The following BRCA2 variants were observed in gnomAD, a reference collection of about 807,000 sequenced individuals.
The protein encoded by BRCA2 is breast cancer type 2 susceptibility protein.
A neutral mutation model predicts 276.7 loss-of-function variants in BRCA2; 203 were observed. The ratio of observed to expected loss-of-function variants is 0.73; its 90% confidence interval spans 0.65 to 0.82. The LOEUF (loss-of-function observed/expected upper bound fraction) is 0.82. Among genes scored for constraint, BRCA2 ranks in the 40% least tolerant of loss-of-function variants. The pLI is 0.00. For missense variants in BRCA2, 3,920 were observed against 3,915.0 expected (o/e 1.00, Z -0.03); for synonymous variants, 1,289 against 1,338.4 (o/e 0.96, Z 0.81).
intron 18 of BRCA2, among the ~76,000 whole-genome samples, chr13:32,367,189 T>A (rs1593927972): frequency 6.6e-6 from 1 of 151,866 alleles, no homozygotes; most frequent in Non-Finnish European, 1.5e-5. Flanking sequence ...AATCCCAAGA[T>A]TTTGGGAGGC....
At chr13:32,389,419 CT>C (rs1376425358) in intron 24 of BRCA2, among the ~76,000 whole-genome samples, 2 of 152,102 alleles carry the variant, frequency 1.3e-5, no homozygotes, top group Non-Finnish European at 2.9e-5. Context: ...GAGAGTCTTC[CT>C]TTAATCTTCT....
chr13:32,322,464 AAAG>A (rs2072312436), intron 3 of BRCA2, among the ~76,000 whole-genome samples: 1 of 152,182 alleles, frequency 6.6e-6, no homozygotes, highest in Non-Finnish European at 1.5e-5. Flanking sequence ...TAGGGGAAAT[AAAG>A]GGCTGGGCCG....
At position 32,352,746 on chromosome 13, in the gene BRCA2, CAAAAT is replaced by C. The variant is rs146458775; in HGVS notation, c.7008-2112_7008-2108del. ...CTTTGGAAGTTTCTAACAAGAGGAA[CAAAAT>C]AAGATTGGTGTTTTAGAAGTATACC... On this transcript the variant is annotated intron_variant, in intron 13 of 26. Transcript: ENST00000380152. Among the ~76,000 whole-genome samples the C allele has an allele frequency of 1.2e-3, 186 of 152,126 alleles. 1 individual carries two copies. The highest frequency in any genetic ancestry group is 6.0e-3 in the East Asian group (31 of 5,170).
chr13:32,356,738 C>G (rs939713757), intron 15 of BRCA2, 129 bp downstream of exon 15: 6 of 1,189,862 alleles, frequency 5.0e-6, no homozygotes, highest in African/African-American at 3.0e-5. Flanking sequence ...ATGAAATCAT[C>G]ATATTTTCTA....
Position 32,346,827 on chromosome 13 carries a change from GCA to G in BRCA2, c.6941_6942del (p.Thr2314AsnfsTer25). On this transcript the variant is annotated frameshift_variant and splice_region_variant, in exon 13 of 27. Transcript: ENST00000380152. LOFTEE classifies it high-confidence loss of function. The stretch of plus-strand genomic sequence containing the variant: ...GTAATATAAAATAATTGTTTCCTAG[GCA>G]CAATAAAAGATCGAAGATTGTTTAT... 1 of 1,603,310 alleles carries G rather than the reference GCA, an allele frequency of 6.2e-7. No homozygotes were observed. Among genetic ancestry groups the G allele is most frequent in the South Asian group, 1.1e-5 (1 of 90,006 alleles).
chr13:32,324,738 CG>C (rs917556644), intron 3 of BRCA2, among the ~76,000 whole-genome samples: 1 of 152,066 alleles, frequency 6.6e-6, no homozygotes, highest in African/African-American at 2.4e-5. Context: ...GTGATCCTCC[CG>C]CCTCAGCCTC....
At chr13:32,359,223 A>G (rs1410310387) in intron 16 of BRCA2, among the ~76,000 whole-genome samples, 4 of 1,828 alleles carry the variant, frequency 2.2e-3, no homozygotes, top group Admixed American at 0.01. Context: ...CCATCTCAAG[A>G]AAAAAAAAAA....
In BRCA2 at chr13:32,339,976, T is replaced by G. The variant is rs2137519221; in HGVS notation, c.5621T>G (p.Ile1874Ser). 6.2e-7 allele frequency: 1 copy of G among 1,611,138 alleles called. No homozygotes were observed. The highest frequency in any genetic ancestry group is 8.5e-7 in the Non-Finnish European group (1 of 1,179,084). ...DIFTDSFSKV[I>S]KENNENKSKI... ...TTTACAGACAGTTTCAGTAAAGTAATTAAGGAAAACAACGAGAATAAATCA... is the reference window on the plus strand; with the variant it reads ...TTTACAGACAGTTTCAGTAAAGTAAGTAAGGAAAACAACGAGAATAAATCA... Residue 1874 changes from isoleucine to serine, a missense_variant, in exon 11 of 27, where the codon ATT becomes AGT. Physicochemically the swap from Ile to Ser is moderately radical, Grantham distance 142. Around this residue, in one of 2 missense-constraint regions of BRCA2, gnomAD observed 3,263 missense variants for 3,156.9 expected, o/e 1.03. Coordinates refer to ENST00000380152, the MANE Select transcript of BRCA2 (RefSeq NM_000059.4).
At chr13:32,329,293 T>C in intron 7 of BRCA2, 150 bp from the exon 8 acceptor site, 1 of 603,100 alleles carries the variant, frequency 1.7e-6, no homozygotes, top group Non-Finnish European at 3.0e-6. Context: ...TTGACCTTTC[T>C]AATTACTATA....
chr13:32,364,597 T>C (rs1249427249), intron 18 of BRCA2, among the ~76,000 whole-genome samples: 1 of 149,304 alleles, frequency 6.7e-6, no homozygotes, highest in East Asian at 2.0e-4. Context: ...AAATATTTTT[T>C]GCAATTTAAT....
In BRCA2 at chr13:32,337,881, G is replaced by A. The variant is rs80358602; in HGVS notation, c.3526G>A (p.Val1176Ile). The A allele has an allele frequency of 2.5e-6, 4 of 1,613,964 alleles. No individual in the cohort carries two copies. The highest frequency in any genetic ancestry group is 3.4e-6 in the Non-Finnish European group (4 of 1,179,982). ...VIMNAPSIGQ[V>I]DSSKQFEGTV... is the part of the protein sequence containing the mutation. ...AATGAATGCCCCATCGATTGGTCAG[G>A]TAGACAGCAGCAAGCAATTTGAAGG... The change falls in exon 11 of 27, where the codon GTA becomes ATA. Residue 1176 changes from valine to isoleucine, a missense_variant. Val to Ile is a conservative substitution (Grantham distance 29). Around this residue, in one of 2 missense-constraint regions of BRCA2, gnomAD observed 3,263 missense variants for 3,156.9 expected, o/e 1.03. Coordinates refer to ENST00000380152, the MANE Select transcript of BRCA2 (RefSeq NM_000059.4).
At chr13:32,332,194 T>G in intron 9 of BRCA2, 78 bp from the exon 10 acceptor site, 1 of 1,346,704 alleles carries the variant, frequency 7.4e-7, no homozygotes, top group Non-Finnish European at 1.0e-6. Context: ...AAACTGTTTC[T>G]ATGAGAAAGG....
In BRCA2 at chr13:32,346,514, C is replaced by T. The variant is rs185087806; in HGVS notation, c.6938-313C>T. Among the ~76,000 whole-genome samples the T allele has an allele frequency of 5.3e-4, 81 of 152,080 alleles. 2 individuals carry two copies. The East Asian group carries it at 0.015, about 28-fold the overall frequency. ...AATATCTAAAGCTTAGCTTTTAAAC[C>T]TTCATAAGACTAAATTTTAAATTTG... On this transcript the variant is annotated intron_variant, in intron 12 of 26. Coordinates refer to ENST00000380152, the MANE Select transcript of BRCA2 (RefSeq NM_000059.4).
chr13:32,369,684 C>CT (rs1462471094), intron 18 of BRCA2, among the ~76,000 whole-genome samples: 1 of 152,174 alleles, frequency 6.6e-6, no homozygotes, highest in Non-Finnish European at 1.5e-5. Context: ...AGCAGTTCTC[C>CT]TGCCTCAGCC....
chr13:32,350,731 C>T (rs183056583), intron 13 of BRCA2, among the ~76,000 whole-genome samples: 5 of 150,572 alleles, frequency 3.3e-5, no homozygotes, highest in African/African-American at 1.2e-4. Flanking sequence ...CCAGCCTGGG[C>T]GAGAGAGCGA....
At position 32,363,309 on chromosome 13, in the gene BRCA2, A is replaced by G. The variant is rs2137580800; in HGVS notation, c.8107A>G (p.Thr2703Ala). 1 of 1,614,182 alleles carries G rather than the reference A, an allele frequency of 6.2e-7. No homozygotes were observed. Among genetic ancestry groups the G allele is most frequent in the Non-Finnish European group, 8.5e-7 (1 of 1,180,018 alleles). ...TTCATTGAGCGCAAATATATCTGAA[A>G]CTTCTAGCAATAAAACTAGTAGTGC... is the stretch of plus-strand genomic sequence containing the variant. ...IISLSANISE[T>A]SSNKTSSADT... Residue 2703 changes from threonine to alanine, a missense_variant, in exon 18 of 27, where the codon ACT becomes GCT. Thr to Ala is a moderately conservative substitution (Grantham distance 58). Coordinates refer to ENST00000380152, the MANE Select transcript of BRCA2 (RefSeq NM_000059.4).
At position 32,329,597 on chromosome 13, in the gene BRCA2, T is replaced by G. The variant is rs755479802; in HGVS notation, c.681+105T>G. 4.4e-5 allele frequency: 42 copies of G among 945,752 alleles called. No individual in the cohort carries two copies. In the Middle Eastern group the frequency reaches 1.1e-3, roughly 26 times the overall value. 58.6% of individuals were successfully genotyped at this position (945,752 alleles called of 1,614,324 possible). A position where few individuals can be genotyped will look rare whatever the true frequency, so the allele number is the denominator to read the frequency against. On this transcript the variant is annotated intron_variant, in intron 8 of 26. Coordinates refer to ENST00000380152, the MANE Select transcript of BRCA2 (RefSeq NM_000059.4). Reference sequence around the variant, plus strand: ...TTTTAATTTCCTAATCTGTAATTTATCTAAGCCTTTGAGAAAGTCTCTAAA... The same window carrying G: ...TTTTAATTTCCTAATCTGTAATTTAGCTAAGCCTTTGAGAAAGTCTCTAAA...
intron 3 of BRCA2, among the ~76,000 whole-genome samples, chr13:32,322,224 T>C (rs1031295238): frequency 3.3e-5 from 5 of 152,206 alleles, no homozygotes; most frequent in Non-Finnish European, 5.9e-5. Context: ...CAGAATGTCA[T>C]GTAGTTGGAA....
chr13:32,356,581 A>G lies in BRCA2; in HGVS notation c.7589A>G (p.Gln2530Arg), dbSNP rs1252591831. The change falls in exon 15 of 27, where the codon CAA (glutamine) becomes CGA (arginine). Residue 2530 changes from glutamine (Q) to arginine (R), a missense_variant. Coordinates refer to ENST00000380152, the MANE Select transcript of BRCA2 (RefSeq NM_000059.4). ...TCTCTGAAAGCAGCAGTAGGAGGCC[A>G]AGTTCCCTCTGCGTGTTCTCATAAA... ...RISLKAAVGG[Q>R]VPSACSHKQL... 2 of 1,614,124 alleles carry G rather than the reference A, an allele frequency of 1.2e-6. No individual in the cohort carries two copies. The highest frequency in any genetic ancestry group is 1.3e-5 in the African/African-American group (1 of 74,952).
Sources: gnomAD v4.1 joint callset for allele counts (sites outside exome capture counted in the v4.1 genomes callset) on GRCh38, gnomAD v4.1.1 for gene constraint, gnomAD v4.1.1 regional missense constraint, MANE v1.5 for transcripts, NCBI Gene and HGNC (gene_info 2026-07-23, HGNC 2026-07-21) for gene names.